KPNA1: variants seen among roughly 807,000 people sequenced by gnomAD.
KPNA1 encodes the protein importin subunit alpha-5.
In KPNA1, 10 loss-of-function variants were observed where a neutral mutation model predicts 70.5. That is an observed-to-expected ratio of 0.14 (90% confidence interval 0.09 to 0.24). KPNA1 has a LOEUF of 0.24. Ranked by LOEUF, KPNA1 falls within the 10% of genes least tolerant of loss-of-function variation. The probability of loss-of-function intolerance (pLI) is 1.00; values close to 1 mark genes in which losing one functional copy is unlikely to be tolerated. For missense variants in KPNA1, 397 were observed against 637.9 expected, an observed-to-expected ratio of 0.62 and a Z score of 4.07; for synonymous variants, 192 against 221.9, an observed-to-expected ratio of 0.87 and a Z score of 1.20.
chr3:122,433,699 G>A lies in KPNA1; in HGVS notation c.1212C>T (p.Ile404=). The stretch of plus-strand genomic sequence containing the variant: ...CTGATCCTCCAGAAGTTGCATTTGT[G>A]ATGGCCCAAGCTGCTTCTTTTCTTG... ...FRTRKEAAWA[I]TNATSGGSAE... The change falls in exon 12 of 14, where the codon ATC becomes ATT. Residue 404 remains isoleucine, a synonymous_variant. Coordinates refer to ENST00000344337, the MANE Select transcript of KPNA1 (RefSeq NM_002264.4). 6.2e-7 allele frequency: 1 copy of A among 1,612,700 alleles called. No homozygotes were observed. Among genetic ancestry groups the A allele is most frequent in the Non-Finnish European group, 8.5e-7 (1 of 1,179,568 alleles).
intron 10 of KPNA1, among the ~76,000 whole-genome samples, chr3:122,440,750 C>T (rs944389338): frequency 6.6e-6 from 1 of 152,120 alleles, no homozygotes; most frequent in African/African-American, 2.4e-5. Context: ...TGAATAGAGA[C>T]AGAACAACAG....
At position 122,479,558 on chromosome 3, in the gene KPNA1, A is replaced by C. The variant is rs186548775; in HGVS notation, c.130-12129T>G. Among the ~76,000 whole-genome samples the C allele has an allele frequency of 1.7e-4, 26 of 152,176 alleles. No homozygotes were observed. The East Asian group carries it at 3.5e-3, about 20-fold the overall frequency. ...GTGGATCACCTGAGGTCAGGAGTTC[A>C]AGACCAGCCTGAGCAACATGGTGAA... On this transcript the variant is annotated intron_variant, in intron 2 of 13. Coordinates refer to ENST00000344337, the MANE Select transcript of KPNA1 (RefSeq NM_002264.4).
At chr3:122,442,757 CCGATCACT>C (rs2076080800) in intron 9 of KPNA1, 1 of 152,172 alleles carries the variant, frequency 6.6e-6, no homozygotes, top group Admixed American at 6.5e-5. Flanking sequence ...TTTAATGAGA[CCGATCACT>C]CTTCTAAAAA....
intron 1 of KPNA1, among the ~76,000 whole-genome samples, chr3:122,509,413 T>C (rs887094552): frequency 1.3e-5 from 2 of 152,112 alleles, no homozygotes; most frequent in African/African-American, 2.4e-5. Context: ...TCTATAATAA[T>C]GTACAAGAGT....
At position 122,514,828 on chromosome 3, in the gene KPNA1, C is replaced by G. The variant is rs925739121; in HGVS notation, c.-77G>C. The stretch of plus-strand genomic sequence containing the variant: ...TCGCTCGCCCGCCCGCCGTGCCACT[C>G]CCGCGCACAACCTCGAAGAGCTGGC... On this transcript the variant is annotated 5_prime_UTR_variant, in exon 1 of 14. Transcript: ENST00000344337. 1 of 153,250 alleles carries G rather than the reference C, an allele frequency of 6.5e-6. No individual in the cohort carries two copies. The highest frequency in any genetic ancestry group is 1.5e-5 in the Non-Finnish European group (1 of 68,936). 9.5% of individuals were successfully genotyped at this position (153,250 alleles called of 1,614,324 possible). A position where few individuals can be genotyped will look rare whatever the true frequency, so the allele number is the denominator to read the frequency against.
At chr3:122,472,638 C>A (rs747779171) in intron 2 of KPNA1, among the ~76,000 whole-genome samples, 6 of 152,044 alleles carry the variant, frequency 3.9e-5, no homozygotes, top group Admixed American at 6.6e-5. Context: ...AATGAAAAAA[C>A]CAAAAGCTGG....
intron 9 of KPNA1, among the ~76,000 whole-genome samples, chr3:122,444,108 G>C (rs1315561865): frequency 1.3e-5 from 2 of 152,186 alleles, no homozygotes; most frequent in Non-Finnish European, 2.9e-5. Context: ...TCCCAGGGCT[G>C]TTCCTTGCTG....
intron 5 of KPNA1, chr3:122,457,578 C>G: frequency 1.4e-5 from 7 of 494,302 alleles, no homozygotes; most frequent in Non-Finnish European, 2.1e-5. Context: ...TTATTTTTCA[C>G]TGTCCTGAAC....
At chr3:122,496,347 C>CACACACACAA in intron 2 of KPNA1, 90 bp downstream of exon 2, 1 of 1,194,216 alleles carries the variant, frequency 8.4e-7, no homozygotes, top group Non-Finnish European at 1.2e-6. Flanking sequence ...CACACACACA[C>CACACACACAA]ACCCCAACTT....
intron 1 of KPNA1, among the ~76,000 whole-genome samples, chr3:122,500,025 C>T (rs1450453630): frequency 2.6e-5 from 4 of 152,180 alleles, no homozygotes; most frequent in Non-Finnish European, 4.4e-5. Flanking sequence ...GTCTGTTCCT[C>T]TTATTGAGTC....
rs1334495561 is a variant in KPNA1, at chr3:122,424,261, A to T, written c.*2724T>A. ...TGTATTGAAATTAACATGCTTTTGT[A>T]ATGAGCAACGCCTTAGTGGTAGGGT... On this transcript the variant is annotated 3_prime_UTR_variant, in exon 14 of 14. Transcript: ENST00000344337. The T allele has an allele frequency of 2.0e-5, 3 of 152,240 alleles. No homozygotes were observed. In the East Asian group the frequency reaches 5.8e-4, roughly 29 times the overall value. The allele number at this position is 152,240 out of a possible 1,614,324, so 9.4% of individuals were successfully genotyped here. A position where few individuals can be genotyped will look rare whatever the true frequency, so the allele number is the denominator to read the frequency against.
intron 10 of KPNA1, 79 bp downstream of exon 10, chr3:122,441,959 A>G: frequency 3.9e-6 from 4 of 1,028,860 alleles, no homozygotes; most frequent in Non-Finnish European, 6.1e-6. Context: ...TATGGAGTAA[A>G]ATACGATAAT....
intron 3 of KPNA1, among the ~76,000 whole-genome samples, chr3:122,464,622 C>A (rs548026487): frequency 6.6e-6 from 1 of 152,202 alleles, no homozygotes; most frequent in African/African-American, 2.4e-5. Context: ...CTGCCAAATT[C>A]AACAGCTGAC....
At chr3:122,512,266 C>A (rs1403484033) in intron 1 of KPNA1, among the ~76,000 whole-genome samples, 1 of 151,614 alleles carries the variant, frequency 6.6e-6, no homozygotes, top group Non-Finnish European at 1.5e-5. Context: ...TCTCTAAGGT[C>A]TGTATTTTAT....
intron 2 of KPNA1, among the ~76,000 whole-genome samples, chr3:122,471,063 T>C (rs557228938): frequency 3.3e-5 from 5 of 152,252 alleles, no homozygotes; most frequent in Admixed American, 3.3e-4. Context: ...AATGTTAATT[T>C]CCTAGTACCT....
At chr3:122,469,700 G>A (rs960054869) in intron 2 of KPNA1, among the ~76,000 whole-genome samples, 1 of 151,974 alleles carries the variant, frequency 6.6e-6, no homozygotes, top group South Asian at 2.1e-4. Context: ...GCTGGACAAA[G>A]GCCAAAAAAA....
Position 122,449,671 on chromosome 3 carries a change from C to G in KPNA1, c.820G>C (p.Ala274Pro). Residue 274 changes from alanine to proline, a missense_variant, in exon 9 of 14, where the codon GCC (alanine) becomes CCC (proline). By Grantham distance (27) the Ala-to-Pro change is conservative (BLOSUM62 -1). Coordinates refer to ENST00000344337, the MANE Select transcript of KPNA1 (RefSeq NM_002264.4). ...FVSDTDVLAD[A>P]CWALSYLSDG... ...GATAGATATGAGAGGGCCCAGCAGG[C>G]ATCAGCCAGTACATCAGTGTCACTG... The G allele has an allele frequency of 6.2e-7, 1 of 1,613,876 alleles. No individual in the cohort carries two copies. Among genetic ancestry groups the G allele is most frequent in the South Asian group, 1.1e-5 (1 of 91,036 alleles).
intron 4 of KPNA1, among the ~76,000 whole-genome samples, chr3:122,462,321 C>G (rs1266527346): frequency 6.6e-6 from 1 of 152,048 alleles, no homozygotes; most frequent in Non-Finnish European, 1.5e-5. Flanking sequence ...AACCTAACAA[C>G]AGTTCGTGAA....
chr3:122,504,262 G>A (rs1463022750), intron 1 of KPNA1, among the ~76,000 whole-genome samples: 1 of 152,106 alleles, frequency 6.6e-6, no homozygotes, highest in Non-Finnish European at 1.5e-5. Flanking sequence ...GGCTAATTCA[G>A]TATCTGGTGA....
Sources: allele counts gnomAD v4.1 joint callset (sites outside exome capture counted in the v4.1 genomes callset), GRCh38; gene constraint gnomAD v4.1.1; transcripts MANE v1.5; gene names NCBI Gene and HGNC (gene_info 2026-07-23, HGNC 2026-07-21).